Variants in OSBPL8 observed in about 807,000 individuals in gnomAD.
OSBPL8 encodes oxysterol binding protein like 8, also known as oxysterol-binding protein-related protein 8.
In OSBPL8, 59 loss-of-function variants were observed where a neutral mutation model predicts 125.5. The observed-to-expected ratio is 0.47, with a 90% CI of 0.38 to 0.58. OSBPL8 has a LOEUF of 0.58. OSBPL8 is among the 20% of genes least tolerant of loss of function. The probability of loss-of-function intolerance (pLI) is 0.00; values close to 1 mark genes in which losing one functional copy is unlikely to be tolerated. For synonymous variants in OSBPL8, 330 were observed against 338.9 expected, an observed-to-expected ratio of 0.97 and a Z score of 0.29; for missense variants, 758 against 1,047.8, an observed-to-expected ratio of 0.72 and a Z score of 3.82.
chr12:76,494,901 A>G (rs1475257373), intron 1 of OSBPL8, among the ~76,000 whole-genome samples: 1 of 152,172 alleles, frequency 6.6e-6, no homozygotes, highest in Non-Finnish European at 1.5e-5. Flanking sequence ...TAACATATTG[A>G]TGGCATTTAA....
intron 15 of OSBPL8, among the ~76,000 whole-genome samples, chr12:76,382,407 T>C (rs1953100220): frequency 6.6e-6 from 1 of 152,000 alleles, no homozygotes; most frequent in African/African-American, 2.4e-5. Flanking sequence ...ACTACTGACA[T>C]TTAGGGGACT....
In OSBPL8 at chr12:76,369,767, G is replaced by A; in HGVS notation, c.2110C>T (p.Gln704Ter). 6.2e-7 allele frequency: 1 copy of A among 1,613,536 alleles called. No homozygotes were observed. Among genetic ancestry groups the A allele is most frequent in the Non-Finnish European group, 8.5e-7 (1 of 1,179,718 alleles). The part of the protein sequence containing the change: ...INAKDQTEAT[Q>*]EKYVLEEAQR... ...GCTTCTTCCAAAACATACTTCTCTT[G>A]GGTAGCTTCAGTTTGGTCTTTGGCA... is the stretch of plus-strand genomic sequence containing the variant. Residue 704 changes from glutamine (Q) to a stop codon, truncating the protein, a stop_gained, in exon 20 of 24, where the codon CAA becomes TAA. Transcript: ENST00000261183. LOFTEE classifies it high-confidence loss of function.
At chr12:76,485,602 T>C (rs1028147421) in intron 2 of OSBPL8, among the ~76,000 whole-genome samples, 4 of 152,176 alleles carry the variant, frequency 2.6e-5, no homozygotes, top group African/African-American at 9.6e-5. Flanking sequence ...TGTAATAACA[T>C]TTACTTGGAT....
intron 2 of OSBPL8, among the ~76,000 whole-genome samples, chr12:76,486,957 G>A (rs1186036812): frequency 1.3e-5 from 2 of 151,542 alleles, no homozygotes; most frequent in African/African-American, 4.9e-5. Flanking sequence ...AAGAGGAGGA[G>A]GATGGAGCAG....
chr12:76,367,988 T>G (rs993420259), intron 21 of OSBPL8, among the ~76,000 whole-genome samples: 1 of 152,242 alleles, frequency 6.6e-6, no homozygotes, highest in Non-Finnish European at 1.5e-5. Flanking sequence ...AAAATTACAA[T>G]AGCACTAGCT....
At chr12:76,426,924 T>C (rs1870218445) in intron 4 of OSBPL8, among the ~76,000 whole-genome samples, 1 of 152,150 alleles carries the variant, frequency 6.6e-6, no homozygotes, top group African/African-American at 2.4e-5. Flanking sequence ...CACTTTATCC[T>C]TCCTTCTACT....
rs769442061 is a variant in OSBPL8 at position 76,536,229 on chromosome 12, G to A, written c.-68+23168C>T. ...AGGCCTGGTGTGGTGGCTCACACTTGTAATCCTAGCGCTTTGGGAAGGCGA... is the reference window on the plus strand; with the variant it reads ...AGGCCTGGTGTGGTGGCTCACACTTATAATCCTAGCGCTTTGGGAAGGCGA... On this transcript the variant is annotated intron_variant, in intron 1 of 23. Transcript: ENST00000261183. Among the ~76,000 whole-genome samples, 5 of 152,100 alleles carry A rather than the reference G, an allele frequency of 3.3e-5. No homozygotes were observed. In the East Asian group the frequency reaches 9.6e-4, roughly 29 times the overall value.
At chr12:76,548,399 G>T (rs1366696049) in intron 1 of OSBPL8, among the ~76,000 whole-genome samples, 2 of 152,138 alleles carry the variant, frequency 1.3e-5, no homozygotes, top group Non-Finnish European at 2.9e-5. Context: ...ACAGCAGAGG[G>T]TGGAAATAAA....
At chr12:76,387,161 T>C (rs1953349206) in intron 12 of OSBPL8, among the ~76,000 whole-genome samples, 1 of 152,138 alleles carries the variant, frequency 6.6e-6, no homozygotes. Context: ...GTTGTTGATG[T>C]TAGAGGAGAT....
intron 1 of OSBPL8, among the ~76,000 whole-genome samples, chr12:76,533,149 A>G (rs1358017257): frequency 1.3e-5 from 2 of 152,214 alleles, no homozygotes; most frequent in African/African-American, 4.8e-5. Flanking sequence ...TTAAAACACC[A>G]TATATCCTAT....
chr12:76,418,706 C>T (rs1869058822), intron 4 of OSBPL8, among the ~76,000 whole-genome samples: 1 of 151,948 alleles, frequency 6.6e-6, no homozygotes, highest in African/African-American at 2.4e-5. Context: ...GTAGCACATG[C>T]CTGTAATCCC....
chr12:76,438,927 A>C (rs1410352856), intron 4 of OSBPL8, among the ~76,000 whole-genome samples: 1 of 152,186 alleles, frequency 6.6e-6, no homozygotes, highest in Non-Finnish European at 1.5e-5. Flanking sequence ...TTTCTCTTGC[A>C]ATGTCCTTGC....
chr12:76,420,871 TTGTATTAAGGAGA>T (rs1314565447), intron 4 of OSBPL8, among the ~76,000 whole-genome samples: 1 of 152,024 alleles, frequency 6.6e-6, no homozygotes, highest in African/African-American at 2.4e-5. Flanking sequence ...TCACAGCTGG[TTGTATTAAGGAGA>T]TGATGGAATC....
chr12:76,514,026 T>C (rs1271492415), intron 1 of OSBPL8, among the ~76,000 whole-genome samples: 1 of 152,136 alleles, frequency 6.6e-6, no homozygotes, highest in Non-Finnish European at 1.5e-5. Flanking sequence ...GTCTGTGTGT[T>C]TAAGTGTGTT....
At chr12:76,522,679 T>C (rs1300314562) in intron 1 of OSBPL8, among the ~76,000 whole-genome samples, 1 of 152,194 alleles carries the variant, frequency 6.6e-6, no homozygotes, top group Non-Finnish European at 1.5e-5. Context: ...CAGATGTCAA[T>C]GCCATGCTTC....
intron 4 of OSBPL8, among the ~76,000 whole-genome samples, chr12:76,427,517 CAAAT>C (rs1295634691): frequency 6.6e-6 from 1 of 151,752 alleles, no homozygotes; most frequent in Admixed American, 6.6e-5. Context: ...AAGGGAAACA[CAAAT>C]ACTCTTTTCT....
intron 1 of OSBPL8, among the ~76,000 whole-genome samples, chr12:76,526,922 T>A (rs991852580): frequency 1.0e-4 from 15 of 143,242 alleles, no homozygotes; most frequent in African/African-American, 3.8e-4. Flanking sequence ...AATGCTGGGA[T>A]TACAGGTGTG....
chr12:76,510,495 T>C (rs1184008161), intron 1 of OSBPL8, among the ~76,000 whole-genome samples: 2 of 152,212 alleles, frequency 1.3e-5, no homozygotes, highest in Non-Finnish European at 2.9e-5. Context: ...GAACCAACCA[T>C]TCATAAAATT....
At chr12:76,437,839 A>G (rs1871661535) in intron 4 of OSBPL8, among the ~76,000 whole-genome samples, 1 of 152,166 alleles carries the variant, frequency 6.6e-6, no homozygotes, top group Admixed American at 6.5e-5. Flanking sequence ...CCCACATAAG[A>G]TAATTTCATG....
Sources: allele counts gnomAD v4.1 joint callset (sites outside exome capture counted in the v4.1 genomes callset), GRCh38; gene constraint gnomAD v4.1.1; transcripts MANE v1.5; gene names NCBI Gene and HGNC (gene_info 2026-07-23, HGNC 2026-07-21).